LOX: variants seen among roughly 807,000 people sequenced by gnomAD.
LOX encodes lysyl oxidase.
A neutral mutation model predicts 50.5 loss-of-function variants in LOX; 12 were observed. The observed-to-expected ratio is 0.24, with a 90% CI of 0.15 to 0.38. LOX has a LOEUF of 0.38. Among genes scored for constraint, LOX ranks in the 10% least tolerant of loss-of-function variants. The pLI is 1.00. For missense variants in LOX, 504 were observed against 563.8 expected, an observed-to-expected ratio of 0.89 and a Z score of 1.07; for synonymous variants, 254 against 230.6, an observed-to-expected ratio of 1.10 and a Z score of -0.92.
In LOX at chr5:122,075,227, A is replaced by T. The variant is rs145340313; in HGVS notation, c.878+177T>A. 518 of 536,448 alleles carry T rather than the reference A, an allele frequency of 9.7e-4. 5 individuals are homozygous for T. The highest frequency in any genetic ancestry group is 8.9e-3 in the African/African-American group (469 of 52,680). 33.2% of individuals were successfully genotyped at this position (536,448 alleles called of 1,614,324 possible). A position where few individuals can be genotyped will look rare whatever the true frequency, so the allele number is the denominator to read the frequency against. On this transcript the variant is annotated intron_variant, in intron 3 of 6. Coordinates refer to ENST00000231004, the MANE Select transcript of LOX (RefSeq NM_002317.7). ...TGGGCTTCAGATTTTCCATTTCAAA[A>T]GATAACAGGATCTTGTAGTAGATGG...
rs1754697282 is a variant in LOX at position 122,078,113 on chromosome 5, G to A, written c.-128C>T. On this transcript the variant is annotated 5_prime_UTR_variant, in exon 1 of 7. Transcript: ENST00000231004. Reference sequence around the variant, plus strand: ...AGGCGAGCGGAGCACGGGTATCTCAGTCTCCACCAAGCAATGCCAAGGGTG... The same window carrying A: ...AGGCGAGCGGAGCACGGGTATCTCAATCTCCACCAAGCAATGCCAAGGGTG... 1 of 863,588 alleles carries A rather than the reference G, an allele frequency of 1.2e-6. No homozygotes were observed. Among genetic ancestry groups the A allele is most frequent in the Non-Finnish European group, 1.6e-6 (1 of 618,694 alleles). The allele number at this position is 863,588 out of a possible 1,614,324, so 53.5% of individuals were successfully genotyped here. A position where few individuals can be genotyped will look rare whatever the true frequency, so the allele number is the denominator to read the frequency against.
At chr5:122,075,219 A>G (rs1245984149) in intron 3 of LOX, 185 bp downstream of exon 3, 7 of 519,346 alleles carry the variant, frequency 1.3e-5, no homozygotes, top group South Asian at 3.8e-5. Flanking sequence ...CAGATTTTCC[A>G]TTTCAAAAGA....
intron 2 of LOX, 30 bp from the exon 3 acceptor site, chr5:122,075,571 T>A (rs367861256): frequency 1.8e-4 from 269 of 1,459,826 alleles, no homozygotes; most frequent in Non-Finnish European, 2.1e-4. Context: ...AAAATTATTA[T>A]ATTCATGGAA....
rs889876535 is a variant in LOX, at chr5:122,063,460, A to C, written c.*3283T>G. 6.6e-6 allele frequency: 1 copy of C among 151,966 alleles called. No homozygotes were observed. Among genetic ancestry groups the C allele is most frequent in the African/African-American group, 2.4e-5 (1 of 41,430 alleles). The allele number at this position is 151,966 out of a possible 1,614,324, so 9.4% of individuals were successfully genotyped here. On this transcript the variant is annotated 3_prime_UTR_variant, in exon 7 of 7. Transcript: ENST00000231004. ...AGTTTTATATTAATTAAATGTTTATATACCACAAGCTAAGATTTAATGCAT... is the reference window on the plus strand; with the variant it reads ...AGTTTTATATTAATTAAATGTTTATCTACCACAAGCTAAGATTTAATGCAT...
In LOX at chr5:122,066,679, T is replaced by C; in HGVS notation, c.*64A>G. On this transcript the variant is annotated 3_prime_UTR_variant, in exon 7 of 7. Coordinates refer to ENST00000231004, the MANE Select transcript of LOX (RefSeq NM_002317.7). The stretch of plus-strand genomic sequence containing the variant: ...AATACATAAATCCTACTGAAGTTAG[T>C]CTATTTTTTCCCACTTCAGAACACC... 2 of 1,352,538 alleles carry C rather than the reference T, an allele frequency of 1.5e-6. No individual in the cohort carries two copies. Among genetic ancestry groups the C allele is most frequent in the Admixed American group, 3.6e-5 (2 of 55,264 alleles). The allele number at this position is 1,352,538 out of a possible 1,614,324, so 83.8% of individuals were successfully genotyped here.
At chr5:122,074,716 T>C (rs953859577) in intron 3 of LOX, among the ~76,000 whole-genome samples, 4 of 152,240 alleles carry the variant, frequency 2.6e-5, no homozygotes, top group African/African-American at 9.6e-5. Context: ...ATCAGGAAAT[T>C]AAGGGACTTA....
Position 122,065,755 on chromosome 5 carries a change from A to G in LOX, c.*988T>C, listed in dbSNP as rs538599729. The G allele has an allele frequency of 3.3e-5, 5 of 152,128 alleles. No individual in the cohort carries two copies. The highest frequency in any genetic ancestry group is 1.9e-4 in the East Asian group (1 of 5,186). The allele number at this position is 152,128 out of a possible 1,614,324, so 9.4% of individuals were successfully genotyped here. The stretch of plus-strand genomic sequence containing the variant: ...TTGAAAAATCCTAAAATGTTTTTCA[A>G]TTTTTTTAAGCTATTTGAGAGACAG... On this transcript the variant is annotated 3_prime_UTR_variant, in exon 7 of 7. Coordinates refer to ENST00000231004, the MANE Select transcript of LOX (RefSeq NM_002317.7).
rs759116656 is a variant in LOX, at chr5:122,077,454, A to G, written c.532T>C (p.Ser178Pro). The G allele has an allele frequency of 9.9e-6, 16 of 1,614,060 alleles. No homozygotes were observed. In the South Asian group the frequency reaches 1.8e-4, roughly 18 times the overall value. Reference protein sequence around the residue: ...GDDPYNPYKYSDDNPYYNYYD... With the variant: ...GDDPYNPYKYPDDNPYYNYYD... ...TAGTTGTAATAAGGGTTGTCGTCAGAGTACTTGTAGGGGTTGTAAGGGTCG... is the reference window on the plus strand; with the variant it reads ...TAGTTGTAATAAGGGTTGTCGTCAGGGTACTTGTAGGGGTTGTAAGGGTCG... Residue 178 changes from serine to proline, a missense_variant, in exon 1 of 7, where the codon TCT (serine) becomes CCT (proline). Transcript: ENST00000231004. The surrounding 1 kb of genome is among the most constrained non-coding windows in gnomAD (Gnocchi z 4.9).
At chr5:122,076,417 T>A (rs1754632882) in intron 2 of LOX, among the ~76,000 whole-genome samples, 2 of 152,144 alleles carry the variant, frequency 1.3e-5, no homozygotes, top group Admixed American at 6.5e-5. Context: ...CTGGCTGAAG[T>A]AATACCAAAA....
rs554322205 is a variant in LOX at position 122,070,093 on chromosome 5, T to C, written c.1207A>G (p.Thr403Ala). The C allele has an allele frequency of 1.2e-6, 2 of 1,613,200 alleles. No homozygotes were observed. The highest frequency in any genetic ancestry group is 2.7e-5 in the African/African-American group (2 of 74,998). Residue 403 changes from threonine to alanine, a missense_variant, in exon 6 of 7, where the codon ACA becomes GCA. Thr to Ala is a moderately conservative substitution (Grantham distance 58). Around this residue, in one of 2 missense-constraint regions of LOX, gnomAD observed 106 missense variants for 198.1 expected, o/e 0.54. Transcript: ENST00000231004. Reference sequence around the variant, plus strand: ...CCTGAGGCATACGCATGATGTCCTGTGTAGCGAATGTCACAGCGCACAACA... The same window carrying C: ...CCTGAGGCATACGCATGATGTCCTGCGTAGCGAATGTCACAGCGCACAACA... Reference protein sequence around the residue: ...NNVVRCDIRYTGHHAYASGCT... With the variant: ...NNVVRCDIRYAGHHAYASGCT...
chr5:122,077,783 C>T lies in LOX; in HGVS notation c.203G>A (p.Arg68His). The T allele has an allele frequency of 6.5e-7, 1 of 1,548,824 alleles. No individual in the cohort carries two copies. Among genetic ancestry groups the T allele is most frequent in the East Asian group, 2.4e-5 (1 of 41,564 alleles). ...GACGGCGGCGCCCGGGTCCCGGCGG[C>T]GCTGAGGCTGGTACTGTGAGCCCAG... ...LSLGSQYQPQ[R>H]RRDPGAAVPG... The change falls in exon 1 of 7, where the codon CGC (arginine) becomes CAC (histidine). Residue 68 changes from arginine to histidine, a missense_variant. Around this residue, in one of 2 missense-constraint regions of LOX, gnomAD observed 398 missense variants for 365.8 expected, o/e 1.09. Transcript: ENST00000231004. This position sits in a 1 kb window ranked among gnomAD's most constrained non-coding sequence, Gnocchi z 4.9.
At chr5:122,073,943 T>C in intron 4 of LOX, 70 bp downstream of exon 4, 3 of 1,406,874 alleles carry the variant, frequency 2.1e-6, no homozygotes, top group Non-Finnish European at 3.0e-6. Context: ...TGCTATTTAA[T>C]GCTAACTAAC....
At position 122,064,733 on chromosome 5, in the gene LOX, A is replaced by G. The variant is rs1047183122; in HGVS notation, c.*2010T>C. 8 of 152,088 alleles carry G rather than the reference A, an allele frequency of 5.3e-5. No individual in the cohort carries two copies. The highest frequency in any genetic ancestry group is 1.9e-4 in the African/African-American group (8 of 41,534). The allele number at this position is 152,088 out of a possible 1,614,324, so 9.4% of individuals were successfully genotyped here. On this transcript the variant is annotated 3_prime_UTR_variant, in exon 7 of 7. Transcript: ENST00000231004. ...TATAGACAGTCTTTTTTATGTCTCA[A>G]TGCATACCATGTGAGTACTTGGCAT...
intron 4 of LOX, among the ~76,000 whole-genome samples, chr5:122,072,266 T>C (rs918224469): frequency 1.3e-5 from 2 of 152,156 alleles, no homozygotes; most frequent in Non-Finnish European, 2.9e-5. Flanking sequence ...AACTTAAGTA[T>C]AAGCTTTGAT....
chr5:122,071,605 A>G (rs1487401457), intron 4 of LOX, among the ~76,000 whole-genome samples: 1 of 152,226 alleles, frequency 6.6e-6, no homozygotes, highest in Non-Finnish European at 1.5e-5. Flanking sequence ...AAGTTTCCTC[A>G]GATTGGAGTC....
intron 6 of LOX, among the ~76,000 whole-genome samples, chr5:122,068,039 A>G (rs1754345654): frequency 6.6e-6 from 1 of 152,028 alleles, no homozygotes; most frequent in South Asian, 2.1e-4. Flanking sequence ...CAATATTTCC[A>G]CTCAGAATAA....
At chr5:122,072,756 G>C (rs1754486521) in intron 4 of LOX, among the ~76,000 whole-genome samples, 1 of 152,130 alleles carries the variant, frequency 6.6e-6, no homozygotes, top group Non-Finnish European at 1.5e-5. Context: ...TAACAAGAAA[G>C]CTACCATATA....
rs1441387208 is a variant in LOX at position 122,070,037 on chromosome 5, A to G, written c.1247+16T>C. On this transcript the variant is annotated intron_variant, in intron 6 of 6. Transcript: ENST00000231004. ...ATTTGTGACAACAATTACTTAGCTAAGCAAATAACACTTACGGTGAAATTG... is the reference window on the plus strand; with the variant it reads ...ATTTGTGACAACAATTACTTAGCTAGGCAAATAACACTTACGGTGAAATTG... The G allele has an allele frequency of 6.4e-7, 1 of 1,557,392 alleles. No homozygotes were observed. The highest frequency in any genetic ancestry group is 8.9e-7 in the Non-Finnish European group (1 of 1,128,642).
intron 3 of LOX, among the ~76,000 whole-genome samples, chr5:122,074,895 T>C (rs1342633445): frequency 6.6e-6 from 1 of 152,182 alleles, no homozygotes; most frequent in Admixed American, 6.5e-5. Context: ...AATGATAGAA[T>C]TACCTTATGC....
Sources: allele counts gnomAD v4.1 joint callset (sites outside exome capture counted in the v4.1 genomes callset), GRCh38; gene constraint gnomAD v4.1.1; regional missense constraint gnomAD v4.1.1; non-coding constraint Gnocchi (gnomAD v3.1); transcripts MANE v1.5; gene names NCBI Gene and HGNC (gene_info 2026-07-23, HGNC 2026-07-21).